The following ASTN2 variants were observed in gnomAD, a reference collection of about 807,000 sequenced individuals.
ASTN2 encodes the protein astrotactin-2.
ASTN2 carries 54 observed loss-of-function variants against 139.8 expected under a neutral mutation model. The ratio of observed to expected loss-of-function variants is 0.39; its 90% CI spans 0.31 to 0.48. The LOEUF is 0.48. Among genes scored for constraint, ASTN2 ranks in the 20% least tolerant of loss-of-function variants. ASTN2 has a pLI of 0.95. For synonymous variants in ASTN2, 756 were observed against 719.5 expected (o/e 1.05, Z -0.81); for missense variants, 1,565 against 1,725.1 (o/e 0.91, Z 1.64).
chr9:116,659,251 A>G (rs1858415538), intron 16 of ASTN2, among the ~76,000 whole-genome samples: 1 of 152,218 alleles, frequency 6.6e-6, no homozygotes, highest in African/African-American at 2.4e-5. Flanking sequence ...TTTCATGAGA[A>G]CAAGGACCAT....
At chr9:116,691,929 T>C (rs73655471) in intron 16 of ASTN2, among the ~76,000 whole-genome samples, 6 of 152,350 alleles carry the variant, frequency 3.9e-5, no homozygotes, top group African/African-American at 1.4e-4. Flanking sequence ...GTGTCAATAG[T>C]AGGATGGACC....
intron 20 of ASTN2, among the ~76,000 whole-genome samples, chr9:116,470,190 C>T (rs748128546): frequency 4.6e-5 from 7 of 151,304 alleles, no homozygotes; most frequent in East Asian, 1.9e-4. Flanking sequence ...GGTGACAGAG[C>T]GAGACACCAT....
Position 116,725,896 on chromosome 9 carries a change from A to G in ASTN2, c.2681T>C (p.Leu894Pro), listed in dbSNP as rs1438549653. The change falls in exon 16 of 23, where the codon CTG becomes CCG. Residue 894 changes from leucine (L) to proline (P), a missense_variant. By Grantham distance (98) the Leu-to-Pro change is moderately conservative (BLOSUM62 -3). Around this residue, in one of 4 missense-constraint regions of ASTN2, gnomAD observed 503 missense variants for 591.7 expected, o/e 0.85. Transcript: ENST00000313400. Reference protein sequence around the residue: ...LTKESSREELLSFIQHYGSHY... With the variant: ...LTKESSREELPSFIQHYGSHY... ...GGAGCCATAGTGCTGGATGAAGGAC[A>G]GCAGCTCCTCCCGACTGCTCTCCTT... is the stretch of plus-strand genomic sequence containing the variant. 3.1e-6 allele frequency: 5 copies of G among 1,614,078 alleles called. 1 individual carries two copies. The South Asian group carries it at 4.4e-5, about 14-fold the overall frequency.
chr9:116,716,188 A>C (rs1254069645), intron 16 of ASTN2, among the ~76,000 whole-genome samples: 3 of 152,138 alleles, frequency 2.0e-5, no homozygotes, highest in Non-Finnish European at 2.9e-5. Flanking sequence ...CACCTGTTTG[A>C]ATCAGAGTAA....
chr9:116,865,926 G>A (rs543024578), intron 10 of ASTN2, among the ~76,000 whole-genome samples: 42 of 152,212 alleles, frequency 2.8e-4, no homozygotes, highest in Admixed American at 9.2e-4. Context: ...CATATACCAG[G>A]CACAATGCTA....
chr9:117,260,493 T>C (rs1199808312), intron 2 of ASTN2, among the ~76,000 whole-genome samples: 1 of 152,120 alleles, frequency 6.6e-6, no homozygotes, highest in Non-Finnish European at 1.5e-5. Flanking sequence ...AGTGCATACA[T>C]AAATCCCCTA....
intron 13 of ASTN2, among the ~76,000 whole-genome samples, chr9:116,785,276 T>G (rs1364272162): frequency 6.6e-6 from 1 of 152,104 alleles, no homozygotes; most frequent in African/African-American, 2.4e-5. Flanking sequence ...CAGGCTCCTC[T>G]CTTCTCTATC....
At chr9:116,823,467 T>C (rs1831542438) in intron 11 of ASTN2, among the ~76,000 whole-genome samples, 1 of 152,216 alleles carries the variant, frequency 6.6e-6, no homozygotes, top group South Asian at 2.1e-4. Flanking sequence ...CATCTAGTTT[T>C]AGGAAGTTAG....
At chr9:117,180,340 C>G (rs1831026939) in intron 3 of ASTN2, among the ~76,000 whole-genome samples, 1 of 152,206 alleles carries the variant, frequency 6.6e-6, no homozygotes, top group Non-Finnish European at 1.5e-5. Flanking sequence ...TTGCCAGCCA[C>G]TTGAAACTTC....
intron 5 of ASTN2, among the ~76,000 whole-genome samples, chr9:117,069,206 G>C (rs1828039009): frequency 5.9e-5 from 5 of 85,006 alleles, no homozygotes; most frequent in Non-Finnish European, 9.3e-5. Context: ...CTGGTATGTT[G>C]TGTCTTTGTT....
chr9:117,351,119 A>G (rs1365981839), intron 1 of ASTN2, among the ~76,000 whole-genome samples: 2 of 152,308 alleles, frequency 1.3e-5, no homozygotes, highest in South Asian at 4.1e-4. Flanking sequence ...GATATGGGCA[A>G]CTGGGAGCAA....
chr9:116,723,119 C>A (rs1276000153), intron 16 of ASTN2, among the ~76,000 whole-genome samples: 1 of 151,650 alleles, frequency 6.6e-6, no homozygotes, highest in South Asian at 2.1e-4. Context: ...GAGCAGAGAT[C>A]GTGCCACTGA....
intron 6 of ASTN2, among the ~76,000 whole-genome samples, chr9:117,038,595 T>C (rs2132645769): frequency 6.6e-6 from 1 of 152,294 alleles, no homozygotes; most frequent in South Asian, 2.1e-4. Flanking sequence ...CATCGAGACA[T>C]ATATATTTTA....
At chr9:116,804,836 G>A (rs1830988348) in intron 13 of ASTN2, among the ~76,000 whole-genome samples, 1 of 151,988 alleles carries the variant, frequency 6.6e-6, no homozygotes, top group African/African-American at 2.4e-5. Flanking sequence ...TAATGTGTGT[G>A]TGTACGTGTG....
chr9:116,780,514 G>A (rs562984813), intron 13 of ASTN2, among the ~76,000 whole-genome samples: 2 of 152,130 alleles, frequency 1.3e-5, no homozygotes, highest in Admixed American at 6.5e-5. Flanking sequence ...AAAGGTGTGA[G>A]AAGCAATTGG....
intron 12 of ASTN2, among the ~76,000 whole-genome samples, chr9:116,814,478 C>T (rs1014071564): frequency 6.6e-6 from 1 of 151,720 alleles, no homozygotes; most frequent in Admixed American, 6.6e-5. Context: ...AATTATATAG[C>T]AGATTTTATC....
At chr9:116,448,768 G>A (rs1379323494) in intron 20 of ASTN2, among the ~76,000 whole-genome samples, 1 of 152,150 alleles carries the variant, frequency 6.6e-6, no homozygotes, top group Non-Finnish European at 1.5e-5. Flanking sequence ...CATAGTTTAG[G>A]TTTCTTGTGA....
chr9:116,930,392 A>T (rs1212271383), intron 10 of ASTN2, among the ~76,000 whole-genome samples: 1 of 152,144 alleles, frequency 6.6e-6, no homozygotes, highest in African/African-American at 2.4e-5. Context: ...TTATGTAACC[A>T]GGGTTATGCT....
rs115225268 is a variant in ASTN2 at position 117,292,172 on chromosome 9, T to C, written c.443-659A>G. Among the ~76,000 whole-genome samples the C allele has an allele frequency of 7.6e-3, 1,160 of 152,270 alleles. 16 individuals carry two copies. Among genetic ancestry groups the C allele is most frequent in the African/African-American group, 0.026 (1,092 of 41,556 alleles). On this transcript the variant is annotated intron_variant, in intron 1 of 22. Coordinates refer to ENST00000313400, the MANE Select transcript of ASTN2 (RefSeq NM_001365068.1). ...AAATACTGGCAAAGCTACTGCCCCA[T>C]CCCAACGTTCTCATATAGCCAGTGA...
Sources: allele counts gnomAD v4.1 joint callset (sites outside exome capture counted in the v4.1 genomes callset), GRCh38; gene constraint gnomAD v4.1.1; regional missense constraint gnomAD v4.1.1; transcripts MANE v1.5; gene names NCBI Gene and HGNC (gene_info 2026-07-23, HGNC 2026-07-21).